Variants in TYW1 observed in about 807,000 individuals in gnomAD.
TYW1 encodes the protein S-adenosyl-L-methionine-dependent tRNA 4-demethylwyosine synthase TYW1.
In TYW1, 46 loss-of-function variants were observed where a neutral mutation model predicts 96.2. The ratio of observed to expected loss-of-function variants is 0.48; its 90% CI spans 0.38 to 0.61. The LOEUF is 0.61. Among genes scored for constraint, TYW1 ranks in the 20% least tolerant of loss-of-function variants. The pLI, the probability that TYW1 is intolerant of heterozygous loss-of-function variation, is 0.00. For missense variants in TYW1, 684 were observed against 909.6 expected (o/e 0.75, Z 3.19); for synonymous variants, 274 against 323.0 (o/e 0.85, Z 1.63).
rs376566915 is a variant in TYW1 at position 67,238,400 on chromosome 7, G to A, written c.2070G>A (p.Thr690=). The change falls in exon 16 of 16, where the codon ACG becomes ACA. Residue 690 remains threonine, a synonymous_variant. Transcript: ENST00000359626. ...QEYEDSGGSK[T]FSAKDYMART... Reference sequence around the variant, plus strand: ...ATGAAGATAGTGGTGGATCAAAAACGTTCAGCGCAAAGGATTATATGGCCA... The same window carrying A: ...ATGAAGATAGTGGTGGATCAAAAACATTCAGCGCAAAGGATTATATGGCCA... 2.5e-5 allele frequency: 41 copies of A among 1,613,704 alleles called. 1 individual carries two copies. The highest frequency in any genetic ancestry group is 2.0e-4 in the African/African-American group (15 of 74,842).
intron 9 of TYW1, among the ~76,000 whole-genome samples, chr7:67,066,053 A>G (rs1245027616): frequency 6.6e-6 from 1 of 151,884 alleles, no homozygotes; most frequent in Non-Finnish European, 1.5e-5. Flanking sequence ...ATACACGTGT[A>G]AAGGCTACTC....
intron 7 of TYW1, among the ~76,000 whole-genome samples, chr7:67,037,914 T>G (rs1015285842): frequency 1.3e-5 from 2 of 152,248 alleles, no homozygotes; most frequent in African/African-American, 4.8e-5. Context: ...TGTTACTTAC[T>G]TCCTAATACA....
At chr7:67,195,450 A>T (rs1800362925) in intron 15 of TYW1, 113 bp downstream of exon 15, 36 of 1,511,404 alleles carry the variant, frequency 2.4e-5, no homozygotes, top group Non-Finnish European at 3.2e-5. Context: ...CTTGTTTGCT[A>T]CCTTTCCCAA....
chr7:67,148,670 A>G (rs1798690286), intron 13 of TYW1, among the ~76,000 whole-genome samples: 2 of 151,978 alleles, frequency 1.3e-5, no homozygotes. Flanking sequence ...TGACCTCGTT[A>G]TCCGCCCACC....
At chr7:67,144,672 T>C (rs1336524038) in intron 13 of TYW1, among the ~76,000 whole-genome samples, 1 of 152,178 alleles carries the variant, frequency 6.6e-6, no homozygotes. Context: ...GGTTTCGCCG[T>C]GTTGCCCAGC....
chr7:67,133,601 C>T (rs2116068296), intron 13 of TYW1, among the ~76,000 whole-genome samples: 1 of 128,792 alleles, frequency 7.8e-6, no homozygotes, highest in East Asian at 2.1e-4. Context: ...GGCGGCTGAG[C>T]GAGTTTCCAT....
chr7:67,040,143 G>A (rs113555121), intron 7 of TYW1, among the ~76,000 whole-genome samples: 9,607 of 151,372 alleles, frequency 0.063, 416 homozygotes, highest in South Asian at 0.11. Flanking sequence ...TTTTTGTAGA[G>A]ATGGGGTTTT....
intron 13 of TYW1, among the ~76,000 whole-genome samples, chr7:67,138,536 TGTC>T (rs1488620889): frequency 2.6e-5 from 4 of 151,810 alleles, no homozygotes; most frequent in Non-Finnish European, 5.9e-5. Flanking sequence ...TTGACTATAT[TGTC>T]AACCTGTTGT....
chr7:67,204,623 C>G (rs1462157986), intron 15 of TYW1, among the ~76,000 whole-genome samples: 1 of 146,018 alleles, frequency 6.8e-6, no homozygotes, highest in African/African-American at 2.6e-5. Context: ...GAGAGAGAAT[C>G]TCACTCTGTC....
At chr7:67,203,939 G>A (rs998899913) in intron 15 of TYW1, among the ~76,000 whole-genome samples, 1 of 152,054 alleles carries the variant, frequency 6.6e-6, no homozygotes, top group Non-Finnish European at 1.5e-5. Context: ...CTTTCCTTCT[G>A]GCTTCTCTGG....
intron 12 of TYW1, among the ~76,000 whole-genome samples, chr7:67,112,946 G>T (rs1346105615): frequency 6.6e-6 from 1 of 152,166 alleles, no homozygotes; most frequent in Non-Finnish European, 1.5e-5. Context: ...CAGGACATGA[G>T]ACCTGGCTGC....
chr7:67,011,238 G>C (rs565949131), intron 4 of TYW1, among the ~76,000 whole-genome samples: 1 of 152,084 alleles, frequency 6.6e-6, no homozygotes, highest in Non-Finnish European at 1.5e-5. Context: ...GGGTTTCACT[G>C]TGTTGGCCAG....
rs1795499611 is a variant in TYW1, at chr7:67,055,878, G to T, written c.1146G>T (p.Arg382Ser). 6.2e-7 allele frequency: 1 copy of T among 1,612,514 alleles called. No individual in the cohort carries two copies. The highest frequency in any genetic ancestry group is 8.5e-7 in the Non-Finnish European group (1 of 1,179,232). The change falls in exon 9 of 16, where the codon AGG becomes AGT. Residue 382 changes from arginine to serine, a missense_variant. Transcript: ENST00000359626. ...IGSHSGVKLC[R>S]WTKSMLRGRG... is the part of the protein sequence containing the mutation. ...GCCACTCGGGGGTGAAGCTTTGCAG[G>T]TGGACAAAGGTATTTTTTTTGTTTT...
chr7:67,166,084 T>A (rs1021832627), intron 13 of TYW1, among the ~76,000 whole-genome samples: 10 of 151,564 alleles, frequency 6.6e-5, no homozygotes, highest in African/African-American at 2.2e-4. Context: ...ACAAAAAAAT[T>A]AAAAATAAAA....
intron 5 of TYW1, among the ~76,000 whole-genome samples, chr7:67,017,221 A>C (rs954898474): frequency 2.0e-5 from 3 of 152,180 alleles, no homozygotes; most frequent in African/African-American, 4.8e-5. Flanking sequence ...GGCCTGAAAC[A>C]ATCTGCCTGC....
At chr7:67,174,006 G>A (rs199911058) in intron 13 of TYW1, among the ~76,000 whole-genome samples, 5,046 of 110,946 alleles carry the variant, frequency 0.045, 135 homozygotes, top group Middle Eastern at 0.075. Context: ...TTACATACAA[G>A]TGGCAAATGG....
chr7:67,149,494 A>G (rs1268355080), intron 13 of TYW1, among the ~76,000 whole-genome samples: 3 of 152,212 alleles, frequency 2.0e-5, no homozygotes, highest in Non-Finnish European at 4.4e-5. Context: ...TAGTTCCTTC[A>G]TAGTCTGAGA....
intron 15 of TYW1, 58 bp from the exon 16 acceptor site, chr7:67,238,250 C>G: frequency 2.7e-6 from 4 of 1,509,416 alleles, no homozygotes; most frequent in Non-Finnish European, 3.6e-6. Context: ...TAAAAACATT[C>G]ATTTTTTTTT....
intron 7 of TYW1, among the ~76,000 whole-genome samples, chr7:67,029,632 C>T (rs1428247236): frequency 1.3e-5 from 2 of 151,918 alleles, no homozygotes; most frequent in Non-Finnish European, 2.9e-5. Context: ...TCACGGCTAT[C>T]TACTTTTTTG....
Sources: allele counts gnomAD v4.1 joint callset (sites outside exome capture counted in the v4.1 genomes callset), GRCh38; gene constraint gnomAD v4.1.1; transcripts MANE v1.5; gene names NCBI Gene and HGNC (gene_info 2026-07-23, HGNC 2026-07-21).